Variants in LUZP1 observed in about 807,000 individuals in gnomAD.
LUZP1 encodes the protein filamin mechanobinding actin cross-linking protein.
Under a neutral mutation model 71.3 loss-of-function variants are expected in LUZP1, and 25 were observed. That is an observed-to-expected ratio of 0.35 (90% CI 0.26 to 0.49). The LOEUF (loss-of-function observed/expected upper bound fraction) is 0.49. LUZP1 is among the 20% of genes least tolerant of loss of function. The pLI, the probability that LUZP1 is intolerant of heterozygous loss-of-function variation, is 0.99. For missense variants in LUZP1, 1,142 were observed against 1,300.8 expected (o/e 0.88, Z 1.88); for synonymous variants, 481 against 506.4 (o/e 0.95, Z 0.67).
intron 2 of LUZP1, among the ~76,000 whole-genome samples, chr1:23,145,430 A>G (rs55839354): frequency 0.17 from 26,264 of 150,534 alleles, 2,345 homozygotes; most frequent in East Asian, 0.27. Context: ...CTAACGTATT[A>G]TCTCACAACA....
chr1:23,158,092 G>A (rs1644434567), intron 2 of LUZP1, among the ~76,000 whole-genome samples: 1 of 152,122 alleles, frequency 6.6e-6, no homozygotes, highest in Non-Finnish European at 1.5e-5. Flanking sequence ...AATTGGAAAT[G>A]TGAAATATCA....
chr1:23,090,727 A>G (rs1643839029), intron 4 of LUZP1: 2 of 636,212 alleles, frequency 3.1e-6, no homozygotes, highest in Non-Finnish European at 2.8e-6. Context: ...GCAGCCTGTG[A>G]AGATCTGCTA....
chr1:23,154,261 T>C (rs1030598609), intron 2 of LUZP1, among the ~76,000 whole-genome samples: 2 of 152,044 alleles, frequency 1.3e-5, no homozygotes, highest in African/African-American at 4.8e-5. Context: ...TGTTGGACAG[T>C]ATACATTTGT....
chr1:23,092,386 C>T (rs1189810838), exon 4 of LUZP1: 1 of 1,614,186 alleles, frequency 6.2e-7, no homozygotes, highest in African/African-American at 1.3e-5. Flanking sequence ...TGATTAACCC[C>T]TTCTTTATGT....
chr1:23,121,328 T>C (rs924828065), intron 2 of LUZP1, among the ~76,000 whole-genome samples: 2 of 152,222 alleles, frequency 1.3e-5, no homozygotes, highest in African/African-American at 4.8e-5. Flanking sequence ...TTCTAGTTAA[T>C]TTACATCTGT....
chr1:23,110,178 C>T (rs754576461), intron 2 of LUZP1, among the ~76,000 whole-genome samples: 1 of 152,126 alleles, frequency 6.6e-6, no homozygotes, highest in East Asian at 1.9e-4. Flanking sequence ...TTTTGTTGCC[C>T]TCTAGACTCG....
intron 1 of LUZP1, among the ~76,000 whole-genome samples, chr1:23,172,720 G>T (rs1644559364): frequency 6.6e-6 from 1 of 151,848 alleles, no homozygotes; most frequent in South Asian, 2.1e-4. Context: ...TCACCATGTT[G>T]CCCAGGCTGG....
intron 2 of LUZP1, among the ~76,000 whole-genome samples, chr1:23,160,482 G>A (rs1026459565): frequency 2.0e-5 from 3 of 152,182 alleles, no homozygotes; most frequent in African/African-American, 7.2e-5. Flanking sequence ...AGGAGAATCT[G>A]CTTTGTGGCA....
chr1:23,117,529 G>GGA (rs371517574), intron 2 of LUZP1, among the ~76,000 whole-genome samples: 4,148 of 85,584 alleles, frequency 0.048, 355 homozygotes, highest in East Asian at 0.2. Context: ...CGGGGGGGGG[G>GGA]AACACCTTGA....
exon 5 of LUZP1, chr1:23,088,840 C>T (rs1289532176): frequency 1.1e-5 from 17 of 1,587,548 alleles, no homozygotes; most frequent in Admixed American, 3.4e-5. Flanking sequence ...TGGGGCAGGA[C>T]GGTGGAAGAG....
chr1:23,161,237 G>A (rs1007430673), intron 2 of LUZP1, among the ~76,000 whole-genome samples: 9 of 152,156 alleles, frequency 5.9e-5, no homozygotes, highest in African/African-American at 1.9e-4. Context: ...AATCATGCAC[G>A]CAGATATATA....
At chr1:23,089,623 C>T (rs781011543) in intron 4 of LUZP1, among the ~76,000 whole-genome samples, 9 of 151,732 alleles carry the variant, frequency 5.9e-5, no homozygotes, top group Non-Finnish European at 1.3e-4. Context: ...GACGAAGTCT[C>T]GCACTGTCTC....
intron 2 of LUZP1, among the ~76,000 whole-genome samples, chr1:23,145,716 C>T (rs1644337842): frequency 6.6e-6 from 1 of 152,196 alleles, no homozygotes; most frequent in Admixed American, 6.5e-5. Flanking sequence ...GATGATCCAC[C>T]CGCCTCAGCC....
intron 2 of LUZP1, among the ~76,000 whole-genome samples, chr1:23,166,854 G>T (rs538324749): frequency 1.3e-5 from 2 of 151,970 alleles, no homozygotes; most frequent in Non-Finnish European, 2.9e-5. Context: ...TTAACAATCC[G>T]CATTATTAAT....
intron 2 of LUZP1, among the ~76,000 whole-genome samples, chr1:23,146,626 C>G (rs182615073): frequency 5.3e-5 from 8 of 151,740 alleles, no homozygotes; most frequent in Non-Finnish European, 8.8e-5. Context: ...GGCAAAACCC[C>G]ATCTCTATCA....
intron 2 of LUZP1, among the ~76,000 whole-genome samples, chr1:23,124,444 C>T (rs1010023065): frequency 1.3e-5 from 2 of 152,158 alleles, no homozygotes; most frequent in African/African-American, 2.4e-5. Flanking sequence ...AGAAAGTAAA[C>T]ATATGGTACC....
chr1:23,171,826 C>A (rs1038659710), intron 1 of LUZP1, among the ~76,000 whole-genome samples: 1 of 152,192 alleles, frequency 6.6e-6, no homozygotes, highest in South Asian at 2.1e-4. Context: ...CCAAGTACCA[C>A]AAACCCTTGG....
intron 2 of LUZP1, among the ~76,000 whole-genome samples, chr1:23,139,019 A>AATATATATATATATATAT (rs1225155907): frequency 1.5e-4 from 9 of 59,950 alleles, no homozygotes; most frequent in South Asian, 7.9e-4. Context: ...AAAAAAAAAA[A>AATATATATATATATATAT]ATATATATAT....
chr1:23,152,912 T>C (rs190355942), intron 2 of LUZP1, among the ~76,000 whole-genome samples: 97 of 152,278 alleles, frequency 6.4e-4, no homozygotes, highest in African/African-American at 2.2e-3. Context: ...CATCTCTTCC[T>C]TCTCCAAAAT....
Sources: gnomAD v4.1 joint callset for allele counts (sites outside exome capture counted in the v4.1 genomes callset) on GRCh38, gnomAD v4.1.1 for gene constraint, MANE v1.5 for transcripts, NCBI Gene and HGNC (gene_info 2026-07-23, HGNC 2026-07-21) for gene names.